The following SCRN2 variants were observed in gnomAD, a reference collection of about 807,000 sequenced individuals.
SCRN2 encodes secernin 2, also known as secernin-2.
Under a neutral mutation model 40.1 loss-of-function variants are expected in SCRN2, and 30 were observed. The observed-to-expected ratio is 0.75, with a 90% CI of 0.56 to 1.01. The LOEUF is 1.01. Among genes scored for constraint, SCRN2 ranks in the 50% least tolerant of loss-of-function variants. SCRN2 has a pLI of 0.00. For missense variants in SCRN2, 526 were observed against 564.9 expected, an observed-to-expected ratio of 0.93 and a Z score of 0.70; for synonymous variants, 240 against 233.5, an observed-to-expected ratio of 1.03 and a Z score of -0.25.
intron 7 of SCRN2, 101 bp from the exon 8 acceptor site, chr17:47,838,103 A>G: frequency 6.5e-7 from 1 of 1,535,156 alleles, no homozygotes; most frequent in Admixed American, 2.4e-5. Flanking sequence ...GAAAGGAGAT[A>G]CCCCCCGACA....
chr17:47,840,958 T>A, intron 1 of SCRN2, 115 bp from the exon 2 acceptor site: 1 of 1,007,870 alleles, frequency 9.9e-7, no homozygotes, highest in Admixed American at 3.7e-5. Context: ...TCCTGGACGC[T>A]CGGCGCACAC....
At position 47,840,703 on chromosome 17, in the gene SCRN2, G is replaced by A; in HGVS notation, c.141C>T (p.Pro47=). The part of the protein sequence containing the change: ...RDEVQEVVFV[P]AGTHTPGSRL... ...GGCTCCCAGGAGTGTGAGTGCCTGC[G>A]GGGACAAACACCACCTCCTGCACCT... Residue 47 remains proline (P), a synonymous_variant, in exon 2 of 8, where the codon CCC becomes CCT. Transcript: ENST00000290216. 3 of 1,605,348 alleles carry A rather than the reference G, an allele frequency of 1.9e-6. No individual in the cohort carries two copies. The African/African-American group carries it at 4.0e-5, about 22-fold the overall frequency.
chr17:47,838,939 C>T lies in SCRN2; in HGVS notation c.624G>A (p.Leu208=), dbSNP rs1355076853. The change falls in exon 5 of 8, where the codon CTG becomes CTA. Residue 208 remains leucine (L), a synonymous_variant. Coordinates refer to ENST00000290216, the MANE Select transcript of SCRN2 (RefSeq NM_138355.4). The part of the protein sequence containing the change: ...GTDISAQHPE[L]RTHAQAKGWW... ...AGCCCTTGGCCTGGGCATGAGTCCGCAGCTCCGGGTGTTGGGCCGAGATGT... is the reference window on the plus strand; with the variant it reads ...AGCCCTTGGCCTGGGCATGAGTCCGTAGCTCCGGGTGTTGGGCCGAGATGT... 6.2e-7 allele frequency: 1 copy of T among 1,614,050 alleles called. No homozygotes were observed. The highest frequency in any genetic ancestry group is 8.5e-7 in the Non-Finnish European group (1 of 1,180,044).
intron 3 of SCRN2, 139 bp from the exon 4 acceptor site, chr17:47,839,782 G>C: frequency 1.3e-6 from 1 of 791,498 alleles, no homozygotes; most frequent in East Asian, 2.6e-5. Flanking sequence ...GGCACTGATC[G>C]TATCAAATGC....
At chr17:47,838,047 C>A (rs746639072) in intron 7 of SCRN2, 45 bp from the exon 8 acceptor site, 1 of 1,585,482 alleles carries the variant, frequency 6.3e-7, no homozygotes, top group Non-Finnish European at 8.5e-7. Context: ...GGACAGGCTT[C>A]CCGCCAGGTG....
chr17:47,841,075 CG>C (rs2033815055), intron 1 of SCRN2, 132 bp downstream of exon 1: 5 of 410,560 alleles, frequency 1.2e-5, no homozygotes, highest in Non-Finnish European at 2.2e-5. Context: ...CTGGGAGTCC[CG>C]GCCCTTCGGA....
chr17:47,839,399 C>T (rs746378575), intron 4 of SCRN2, 45 bp downstream of exon 4: 2 of 1,599,108 alleles, frequency 1.3e-6, no homozygotes, highest in South Asian at 1.1e-5. Context: ...CCTGCCCCTA[C>T]CATCTCTCCC....
chr17:47,839,562 G>T lies in SCRN2; in HGVS notation c.438C>A (p.Gly146=). ...ATGGCGCAGCATCCTCCAGGCAGTT[G>T]CCCCCCTGCCCATAGTGCTCCAGTA... ...TGLLEHYGQG[G]NCLEDAAPFS... is the part of the protein sequence containing the mutation. Residue 146 remains glycine (G), a synonymous_variant, in exon 4 of 8, where the codon GGC becomes GGA. Coordinates refer to ENST00000290216, the MANE Select transcript of SCRN2 (RefSeq NM_138355.4). 2 of 1,614,028 alleles carry T rather than the reference G, an allele frequency of 1.2e-6. No homozygotes were observed. Among genetic ancestry groups the T allele is most frequent in the South Asian group, 1.1e-5 (1 of 91,088 alleles).
Position 47,838,454 on chromosome 17 carries a change from G to C in SCRN2, c.939-4C>G. The C allele has an allele frequency of 6.2e-7, 1 of 1,613,518 alleles. No individual in the cohort carries two copies. The highest frequency in any genetic ancestry group is 8.5e-7 in the Non-Finnish European group (1 of 1,179,850). On this transcript the variant is annotated splice_polypyrimidine_tract_variant and splice_region_variant and intron_variant, in intron 6 of 7. Coordinates refer to ENST00000290216, the MANE Select transcript of SCRN2 (RefSeq NM_138355.4). ...GATGAAAGGTTTGAACACAGACCTA[G>C]AGGGGCACAGATGGAAGCACGGAGA...
chr17:47,838,034 C>A, intron 7 of SCRN2, 32 bp from the exon 8 acceptor site: 4 of 1,592,386 alleles, frequency 2.5e-6, no homozygotes, highest in Non-Finnish European at 3.4e-6. Flanking sequence ...ATGAGTCTGT[C>A]CGGGACAGGC....
chr17:47,839,630 G>T lies in SCRN2; in HGVS notation c.370C>A (p.Arg124=). The change falls in exon 4 of 8, where the codon CGG becomes AGG. Residue 124 remains arginine (R), a synonymous_variant. Transcript: ENST00000290216. ...AAGGCCTCCTGGGCAGAGCTGCTCC[G>T]TTCCAAAGCCAGCCTGGCAAAAGAG... The part of the protein sequence containing the change: ...GMDLLRLALE[R]SSSAQEALHV... 6.2e-7 allele frequency: 1 copy of T among 1,613,844 alleles called. No homozygotes were observed. The highest frequency in any genetic ancestry group is 2.2e-5 in the East Asian group (1 of 44,870).
chr17:47,840,061 A>G, intron 3 of SCRN2, 130 bp downstream of exon 3: 1 of 930,452 alleles, frequency 1.1e-6, no homozygotes. Context: ...ACGAAGGCAC[A>G]AGGGCAAAGT....
intron 1 of SCRN2, 162 bp from the exon 2 acceptor site, chr17:47,841,005 C>T (rs1030596744): frequency 6.8e-6 from 4 of 584,688 alleles, no homozygotes; most frequent in Non-Finnish European, 1.0e-5. Context: ...GGTGCCCACC[C>T]TCTCCCCAGG....
intron 4 of SCRN2, among the ~76,000 whole-genome samples, 186 bp from the exon 5 acceptor site, chr17:47,839,192 G>A (rs965105994): frequency 3.3e-5 from 5 of 152,196 alleles, no homozygotes; most frequent in African/African-American, 1.2e-4. Flanking sequence ...TGTTGAATGC[G>A]ATGAAAAAGA....
Position 47,840,562 on chromosome 17 carries a change from T to C in SCRN2, c.174+108A>G. ...AGGTTGGTAGACCTAAAGCTCATGC[T>C]CTTCCACTACTTCTGGCAGCCTCCC... On this transcript the variant is annotated intron_variant, in intron 2 of 7. Transcript: ENST00000290216. The C allele has an allele frequency of 3.0e-6, 4 of 1,336,750 alleles. No homozygotes were observed. In the South Asian group the frequency reaches 4.6e-5, roughly 15 times the overall value. The allele number at this position is 1,336,750 out of a possible 1,614,324, so 82.8% of individuals were successfully genotyped here.
chr17:47,840,582 C>T (rs1315003598), intron 2 of SCRN2, 88 bp downstream of exon 2: 1 of 1,410,848 alleles, frequency 7.1e-7, no homozygotes, highest in African/African-American at 1.4e-5. Context: ...CTTCTGGCAG[C>T]CTCCCAGGTG....
In SCRN2 at chr17:47,840,221, C is replaced by T; in HGVS notation, c.326G>A (p.Gly109Glu). The change falls in exon 3 of 8, where the codon GGG becomes GAG. Residue 109 changes from glycine to glutamate, a missense_variant. Transcript: ENST00000290216. ...TAGGTCCATGCCCAGCAGGGCTTCC[C>T]CCTCCCCAACTGGCTCCTTCGTCCA... ...AVWTKEPVGEGEALLGMDLLR... is the reference protein window; with the variant it reads ...AVWTKEPVGEEEALLGMDLLR... The T allele has an allele frequency of 6.2e-7, 1 of 1,613,892 alleles. No homozygotes were observed. The highest frequency in any genetic ancestry group is 8.5e-7 in the Non-Finnish European group (1 of 1,179,994).
chr17:47,840,475 C>G, intron 2 of SCRN2, 103 bp from the exon 3 acceptor site: 1 of 1,377,388 alleles, frequency 7.3e-7, no homozygotes, highest in Non-Finnish European at 9.9e-7. Flanking sequence ...AGGAAGGTCT[C>G]ATTCCCATTT....
rs752772951 is a variant in SCRN2, at chr17:47,840,784, C to T, written c.60G>A (p.Pro20=). The T allele has an allele frequency of 1.1e-5, 17 of 1,579,818 alleles. No homozygotes were observed. The South Asian group carries it at 1.7e-4, about 16-fold the overall frequency. ...AGATCACAGCCGGGATGGCTGAGGC[C>T]GGGGGCACGGAGACAAAGCAGTCGC... ...CSCDCFVSVP[P]ASAIPAVIFA... Residue 20 remains proline (P), a synonymous_variant, in exon 2 of 8, where the codon CCG becomes CCA. Transcript: ENST00000290216.
Sources: allele counts gnomAD v4.1 joint callset (sites outside exome capture counted in the v4.1 genomes callset), GRCh38; gene constraint gnomAD v4.1.1; transcripts MANE v1.5; gene names NCBI Gene and HGNC (gene_info 2026-07-23, HGNC 2026-07-21).